ZBTB16: variants seen among roughly 807,000 people sequenced by gnomAD.
ZBTB16 encodes the protein zinc finger and BTB domain containing 16, also known as zinc finger and BTB domain-containing protein 16.
Under a neutral mutation model 56.8 loss-of-function variants are expected in ZBTB16, and 8 were observed. The ratio of observed to expected loss-of-function variants is 0.14; its 90% confidence interval spans 0.08 to 0.25. The LOEUF (loss-of-function observed/expected upper bound fraction) is 0.25. ZBTB16 is among the 10% of genes least tolerant of loss of function. The pLI is 1.00. For synonymous variants in ZBTB16, 363 were observed against 368.5 expected (o/e 0.98, Z 0.17); for missense variants, 625 against 903.0 (o/e 0.69, Z 3.95).
chr11:114,202,481 G>A (rs1943758681), intron 4 of ZBTB16, among the ~76,000 whole-genome samples: 1 of 152,188 alleles, frequency 6.6e-6, no homozygotes, highest in South Asian at 2.1e-4. Context: ...ACCTGGGCGA[G>A]AGAACTGTCA....
At chr11:114,136,842 G>A (rs1414057543) in intron 2 of ZBTB16, among the ~76,000 whole-genome samples, 1 of 152,164 alleles carries the variant, frequency 6.6e-6, no homozygotes, top group Non-Finnish European at 1.5e-5. Flanking sequence ...TAGCTCCCTT[G>A]TAGGTCACCT....
At chr11:114,213,420 T>TTCCATTCCC (rs1331431876) in intron 4 of ZBTB16, among the ~76,000 whole-genome samples, 2 of 152,200 alleles carry the variant, frequency 1.3e-5, no homozygotes, top group Non-Finnish European at 2.9e-5. Flanking sequence ...CCTCATTCCT[T>TTCCATTCCC]TCCATTCCCT....
intron 4 of ZBTB16, among the ~76,000 whole-genome samples, chr11:114,223,123 T>C (rs1591794832): frequency 6.6e-6 from 1 of 152,068 alleles, no homozygotes; most frequent in Admixed American, 6.6e-5. Flanking sequence ...GGCCACAGAG[T>C]GATAGCCGTT....
chr11:114,145,595 G>A (rs577611775), intron 2 of ZBTB16, among the ~76,000 whole-genome samples: 42 of 152,318 alleles, frequency 2.8e-4, no homozygotes, highest in African/African-American at 9.1e-4. Context: ...AGGCAAATCT[G>A]TAGAGGAAGA....
At chr11:114,073,853 G>C (rs1036368909) in intron 2 of ZBTB16, among the ~76,000 whole-genome samples, 1 of 152,162 alleles carries the variant, frequency 6.6e-6, no homozygotes, top group African/African-American at 2.4e-5. Flanking sequence ...AAGAAGAAAA[G>C]ACATATACAC....
At chr11:114,220,808 G>A (rs894718935) in intron 4 of ZBTB16, among the ~76,000 whole-genome samples, 1 of 152,258 alleles carries the variant, frequency 6.6e-6, no homozygotes, top group Non-Finnish European at 1.5e-5. Flanking sequence ...AGGACAGAGT[G>A]AGCTGGGGTA....
At chr11:114,214,975 A>G (rs1465725032) in intron 4 of ZBTB16, among the ~76,000 whole-genome samples, 1 of 141,066 alleles carries the variant, frequency 7.1e-6, no homozygotes, top group African/African-American at 2.8e-5. Context: ...AGCCAGAGAG[A>G]GGAGCTTATC....
intron 4 of ZBTB16, among the ~76,000 whole-genome samples, chr11:114,223,594 TCTTA>T (rs1258728498): frequency 6.6e-6 from 1 of 152,208 alleles, no homozygotes; most frequent in African/African-American, 2.4e-5. Flanking sequence ...GAACACCCAT[TCTTA>T]CTTAGTAGTA....
chr11:114,245,493 C>T (rs1944796613), intron 5 of ZBTB16, among the ~76,000 whole-genome samples: 1 of 152,324 alleles, frequency 6.6e-6, no homozygotes, highest in African/African-American at 2.4e-5. Context: ...GCCCTAAAAA[C>T]CCCTCAGAGC....
At chr11:114,073,053 C>CAAAAA (rs11349665) in intron 2 of ZBTB16, among the ~76,000 whole-genome samples, 11 of 69,920 alleles carry the variant, frequency 1.6e-4, no homozygotes, top group Admixed American at 1.3e-3. Context: ...GAGACTGTCT[C>CAAAAA]AAAAAAAAAA....
At position 114,250,183 on chromosome 11, in the gene ZBTB16, G is replaced by A. The variant is rs1307650870; in HGVS notation, c.1793-143G>A. The A allele has an allele frequency of 2.4e-6, 2 of 829,684 alleles. No individual in the cohort carries two copies. Among genetic ancestry groups the A allele is most frequent in the Non-Finnish European group, 2.0e-6 (1 of 496,996 alleles). 51.4% of individuals were successfully genotyped at this position (829,684 alleles called of 1,614,324 possible). A position where few individuals can be genotyped will look rare whatever the true frequency, so the allele number is the denominator to read the frequency against. On this transcript the variant is annotated intron_variant, in intron 6 of 6. Transcript: ENST00000335953. This position sits in a 1 kb window ranked among gnomAD's most constrained non-coding sequence, Gnocchi z 6.0. ...TGACTGGTGGCTGCCGTCTTGGGTGGTGCCTTCATTGTCCCAGAAAGTTCT... is the reference window on the plus strand; with the variant it reads ...TGACTGGTGGCTGCCGTCTTGGGTGATGCCTTCATTGTCCCAGAAAGTTCT...
intron 4 of ZBTB16, among the ~76,000 whole-genome samples, chr11:114,230,579 T>C (rs1565698151): frequency 7.2e-6 from 1 of 139,842 alleles, no homozygotes; most frequent in Non-Finnish European, 1.5e-5. Flanking sequence ...CTCCTTTTAA[T>C]TGTTGACAGT....
intron 4 of ZBTB16, among the ~76,000 whole-genome samples, chr11:114,235,740 TTTTCTTTCCTTCC>T (rs1944572308): frequency 6.7e-6 from 1 of 148,880 alleles, no homozygotes; most frequent in Non-Finnish European, 1.5e-5. Flanking sequence ...CTTTCTTTTC[TTTTCTTTCCTTCC>T]TTCCTTCCTT....
intron 2 of ZBTB16, among the ~76,000 whole-genome samples, chr11:114,106,054 C>A (rs1336537960): frequency 6.6e-5 from 10 of 152,152 alleles, no homozygotes; most frequent in Non-Finnish European, 1.3e-4. Context: ...TTGCATAATG[C>A]TTTTCTATCC....
intron 3 of ZBTB16, among the ~76,000 whole-genome samples, chr11:114,167,232 GTTT>G (rs58946694): frequency 2.3e-5 from 2 of 88,716 alleles, no homozygotes; most frequent in African/African-American, 1.2e-4. Context: ...TTTTTTTTTG[GTTT>G]TTTTTTTTTT....
At chr11:114,091,015 A>T (rs902679258) in intron 2 of ZBTB16, among the ~76,000 whole-genome samples, 1 of 152,088 alleles carries the variant, frequency 6.6e-6, no homozygotes, top group African/African-American at 2.4e-5. Flanking sequence ...ATGGTTAAAG[A>T]GCCGTACATC....
At chr11:114,160,398 C>G (rs750616381) in intron 3 of ZBTB16, among the ~76,000 whole-genome samples, 10 of 152,160 alleles carry the variant, frequency 6.6e-5, no homozygotes, top group Admixed American at 1.3e-4. Context: ...GTTCTTCCTT[C>G]GCAGTTTTTC....
intron 6 of ZBTB16, among the ~76,000 whole-genome samples, chr11:114,247,596 A>G (rs1032855170): frequency 2.6e-5 from 4 of 152,188 alleles, no homozygotes; most frequent in African/African-American, 9.6e-5. Context: ...ATCCCAGCAC[A>G]CTTTCCAGTG....
chr11:114,231,427 G>C (rs976745309), intron 4 of ZBTB16, among the ~76,000 whole-genome samples: 4 of 152,214 alleles, frequency 2.6e-5, no homozygotes, highest in African/African-American at 9.6e-5. Context: ...GCCCTCACCT[G>C]GCACAGAGAG....
Sources: allele counts gnomAD v4.1 joint callset (sites outside exome capture counted in the v4.1 genomes callset), GRCh38; gene constraint gnomAD v4.1.1; non-coding constraint Gnocchi (gnomAD v3.1); transcripts MANE v1.5; gene names NCBI Gene and HGNC (gene_info 2026-07-23, HGNC 2026-07-21).